Variants in RBFOX1 observed in about 807,000 individuals in gnomAD.
RBFOX1 encodes the protein RNA binding protein fox-1 homolog 1.
A neutral mutation model predicts 57.7 loss-of-function variants in RBFOX1; 8 were observed. The ratio of observed to expected loss-of-function variants is 0.14; its 90% CI spans 0.08 to 0.25. RBFOX1 has a LOEUF of 0.25. RBFOX1 is among the 10% of genes least tolerant of loss of function. RBFOX1 has a pLI of 1.00. For missense variants in RBFOX1, 611 were observed against 548.5 expected (o/e 1.11, Z -1.14); for synonymous variants, 326 against 222.4 (o/e 1.47, Z -4.15).
rs1031774103 is a variant in RBFOX1, at chr16:5,969,911, T to A, written c.351+102576T>A. ...TGAGTTTGGGAGTTTGCAAGCAGAG[T>A]TTGGAGTCTTGGAGTTTGAACGTTT... On this transcript the variant is annotated intron_variant, in intron 4 of 19. Coordinates refer to the RBFOX1 transcript ENST00000641259. Among the ~76,000 whole-genome samples the A allele has an allele frequency of 6.6e-5, 10 of 151,876 alleles. No individual in the cohort carries two copies. The Middle Eastern group carries it at 0.01, about 155-fold the overall frequency.
chr16:7,350,422 G>T (rs1450730319), intron 4 of RBFOX1, among the ~76,000 whole-genome samples: 1 of 152,206 alleles, frequency 6.6e-6, no homozygotes, highest in Non-Finnish European at 1.5e-5. Context: ...GCAATCAGCA[G>T]CCAGGTCCCA....
At chr16:7,065,290 G>A (rs1191026638) in intron 4 of RBFOX1, among the ~76,000 whole-genome samples, 1 of 152,056 alleles carries the variant, frequency 6.6e-6, no homozygotes, top group African/African-American at 2.4e-5. Flanking sequence ...GTCCTTTTAG[G>A]GATGATCTGA....
intron 2 of RBFOX1, among the ~76,000 whole-genome samples, chr16:6,349,346 G>C (rs994295661): frequency 1.3e-5 from 2 of 152,166 alleles, no homozygotes; most frequent in African/African-American, 4.8e-5. Flanking sequence ...GATAAAAGAT[G>C]TGCAAGCCAT....
intron 2 of RBFOX1, among the ~76,000 whole-genome samples, chr16:6,518,033 TTGTC>T (rs1402947164): frequency 6.6e-6 from 1 of 152,196 alleles, no homozygotes; most frequent in South Asian, 2.1e-4. Flanking sequence ...TCTGAAGTTC[TTGTC>T]TGTCTTTGTT....
At chr16:5,990,735 A>C (rs991665876) in intron 4 of RBFOX1, among the ~76,000 whole-genome samples, 1 of 152,236 alleles carries the variant, frequency 6.6e-6, no homozygotes, top group Non-Finnish European at 1.5e-5. Context: ...CAGAAGGCTG[A>C]GGCGGGCAGA....
chr16:7,033,950 C>T (rs1431796267), intron 3 of RBFOX1, among the ~76,000 whole-genome samples: 1 of 152,118 alleles, frequency 6.6e-6, no homozygotes, highest in South Asian at 2.1e-4. Context: ...GGCTGGGTGA[C>T]CAAGCAAGAC....
chr16:5,606,299 G>T (rs560702429), intron 3 of RBFOX1, among the ~76,000 whole-genome samples: 102 of 152,076 alleles, frequency 6.7e-4, no homozygotes, highest in African/African-American at 2.3e-3. Flanking sequence ...CTTTGCTTAG[G>T]CTATCCTTTC....
intron 1 of RBFOX1, among the ~76,000 whole-genome samples, chr16:5,439,548 C>G (rs1232919809): frequency 1.3e-5 from 2 of 151,840 alleles, no homozygotes; most frequent in East Asian, 1.9e-4. Flanking sequence ...ACCGGGGAGA[C>G]TTGTTTGTGA....
chr16:6,980,664 A>G (rs1019828445), intron 3 of RBFOX1, among the ~76,000 whole-genome samples: 10 of 152,194 alleles, frequency 6.6e-5, no homozygotes, highest in Non-Finnish European at 1.5e-4. Context: ...GAAGAACACA[A>G]TACAGCTAAA....
At chr16:5,519,691 C>G (rs766986709) in intron 2 of RBFOX1, among the ~76,000 whole-genome samples, 22 of 152,208 alleles carry the variant, frequency 1.4e-4, no homozygotes, top group Non-Finnish European at 2.6e-4. Context: ...TCTCCCTGCA[C>G]TCCAGCCTGA....
At chr16:6,573,344 G>A (rs367544372) in intron 2 of RBFOX1, among the ~76,000 whole-genome samples, 51 of 152,210 alleles carry the variant, frequency 3.4e-4, no homozygotes, top group Middle Eastern at 6.8e-3. Context: ...GCTTTCTCCT[G>A]CCCCGGACTG....
intron 1 of RBFOX1, among the ~76,000 whole-genome samples, chr16:6,163,875 A>G (rs1597950303): frequency 1.3e-5 from 2 of 152,178 alleles, no homozygotes; most frequent in African/African-American, 2.4e-5. Flanking sequence ...AAGAGGTCCA[A>G]TTCTTGGTTG....
intron 3 of RBFOX1, among the ~76,000 whole-genome samples, chr16:7,033,356 C>G (rs900502388): frequency 2.0e-5 from 3 of 152,136 alleles, no homozygotes; most frequent in Non-Finnish European, 4.4e-5. Context: ...CCCGTCTCTA[C>G]TAAAAATACA....
At chr16:6,420,690 C>G (rs961251829) in intron 2 of RBFOX1, among the ~76,000 whole-genome samples, 4 of 152,176 alleles carry the variant, frequency 2.6e-5, no homozygotes, top group Non-Finnish European at 5.9e-5. Context: ...CCAGCTTGTG[C>G]TACTAATTAT....
At chr16:7,504,960 T>G (rs1412070512) in intron 4 of RBFOX1, among the ~76,000 whole-genome samples, 2 of 149,718 alleles carry the variant, frequency 1.3e-5, no homozygotes, top group Non-Finnish European at 2.9e-5. Context: ...GCAGCATGCC[T>G]TTCCAGCGCG....
intron 1 of RBFOX1, among the ~76,000 whole-genome samples, chr16:5,423,787 T>G (rs966956300): frequency 6.6e-6 from 1 of 152,222 alleles, no homozygotes; most frequent in African/African-American, 2.4e-5. Context: ...TCTCCCTGTT[T>G]CGTGTTGCAT....
At chr16:6,089,165 T>C (rs533035618) in intron 1 of RBFOX1, among the ~76,000 whole-genome samples, 2 of 152,058 alleles carry the variant, frequency 1.3e-5, no homozygotes, top group African/African-American at 4.8e-5. Flanking sequence ...ATTTATAAGA[T>C]GCTGCGAGAA....
intron 11 of RBFOX1, among the ~76,000 whole-genome samples, chr16:7,637,868 T>C (rs2062033766): frequency 6.6e-6 from 1 of 152,186 alleles, no homozygotes. Flanking sequence ...AGCATTTTAA[T>C]GCAATATTTT....
chr16:5,511,849 G>A (rs937625790), intron 2 of RBFOX1, among the ~76,000 whole-genome samples: 1 of 152,220 alleles, frequency 6.6e-6, no homozygotes. Context: ...GGGTGACTGA[G>A]TTGTCACTCC....
Sources: gnomAD v4.1 joint callset for allele counts (sites outside exome capture counted in the v4.1 genomes callset) on GRCh38, gnomAD v4.1.1 for gene constraint, MANE v1.5 for transcripts, NCBI Gene and HGNC (gene_info 2026-07-23, HGNC 2026-07-21) for gene names.